The following IL7 variants were observed in gnomAD, a reference collection of about 807,000 sequenced individuals.
IL7 encodes the protein interleukin 7.
In IL7, 3 loss-of-function variants were observed where a neutral mutation model predicts 21.6. That is an observed-to-expected ratio of 0.14 (90% CI 0.06 to 0.36). The LOEUF is 0.36. Among genes scored for constraint, IL7 ranks in the 10% least tolerant of loss-of-function variants. The pLI is 1.00. For synonymous variants in IL7, 62 were observed against 68.1 expected, an observed-to-expected ratio of 0.91 and a Z score of 0.44; for missense variants, 175 against 200.2, an observed-to-expected ratio of 0.87 and a Z score of 0.76.
chr8:78,727,009 A>C (rs185373377), intron 3 of IL7, among the ~76,000 whole-genome samples: 1 of 152,124 alleles, frequency 6.6e-6, no homozygotes, highest in South Asian at 2.1e-4. Flanking sequence ...GTTTGACAGA[A>C]GGTGCATATG....
chr8:78,752,275 C>G (rs927683538), intron 2 of IL7, among the ~76,000 whole-genome samples: 1 of 152,128 alleles, frequency 6.6e-6, no homozygotes, highest in Non-Finnish European at 1.5e-5. Flanking sequence ...ATTTCCTTTC[C>G]TTTGGATAAC....
chr8:78,715,212 TTTTTATA>T (rs756357058), downstream of IL7: 1 of 1,611,380 alleles, frequency 6.2e-7, no homozygotes, highest in African/African-American at 1.3e-5. Flanking sequence ...TTTTTCCTCT[TTTTTATA>T]GAGCTAATGT....
chr8:78,695,769 T>C (rs1456636178), intron 3 of IL7, among the ~76,000 whole-genome samples: 1 of 152,222 alleles, frequency 6.6e-6, no homozygotes, highest in Non-Finnish European at 1.5e-5. Flanking sequence ...CATTTGTTAA[T>C]TTGAAAGACA....
At chr8:78,716,408 C>A (rs1352417382), downstream of IL7, among the ~76,000 whole-genome samples, 1 of 152,084 alleles carries the variant, frequency 6.6e-6, no homozygotes, top group Non-Finnish European at 1.5e-5. Flanking sequence ...CAGGTGTGAG[C>A]CACCGCACCC....
intron 3 of IL7, among the ~76,000 whole-genome samples, chr8:78,704,296 G>A (rs1810699746): frequency 6.6e-6 from 1 of 150,890 alleles, no homozygotes; most frequent in Admixed American, 6.6e-5. Flanking sequence ...GCTGAGGCAG[G>A]AGAATTGCTC....
At chr8:78,790,753 A>C (rs1431183694) in intron 2 of IL7, among the ~76,000 whole-genome samples, 3 of 152,070 alleles carry the variant, frequency 2.0e-5, no homozygotes, top group African/African-American at 7.2e-5. Flanking sequence ...ATTTAACAAA[A>C]GAAGGGTAAA....
intron 3 of IL7, among the ~76,000 whole-genome samples, chr8:78,725,653 A>G (rs1811327051): frequency 6.6e-6 from 1 of 152,044 alleles, no homozygotes; most frequent in African/African-American, 2.4e-5. Flanking sequence ...ATTTTACAGG[A>G]AAGAATATTC....
At chr8:78,789,139 G>A (rs192461455) in intron 2 of IL7, among the ~76,000 whole-genome samples, 3 of 152,120 alleles carry the variant, frequency 2.0e-5, no homozygotes, top group East Asian at 1.9e-4. Flanking sequence ...TTTAGGCAAC[G>A]TAAAGTAGGG....
At chr8:78,793,040 C>G (rs1292300731) in intron 2 of IL7, among the ~76,000 whole-genome samples, 4 of 151,938 alleles carry the variant, frequency 2.6e-5, no homozygotes, top group African/African-American at 7.3e-5. Flanking sequence ...TTTTATTGAG[C>G]CATGAAGAGA....
intron 1 of IL7, among the ~76,000 whole-genome samples, chr8:78,802,207 G>T (rs1814087791): frequency 6.6e-6 from 1 of 152,148 alleles, no homozygotes; most frequent in Admixed American, 6.5e-5. Flanking sequence ...GGGGGTCAAA[G>T]TTAACATAAA....
At chr8:78,743,292 T>G (rs1811862004) in intron 2 of IL7, among the ~76,000 whole-genome samples, 1 of 152,290 alleles carries the variant, frequency 6.6e-6, no homozygotes, top group East Asian at 1.9e-4. Flanking sequence ...ATATCTGTCT[T>G]TAGGTCTTTG....
In IL7 at chr8:78,776,382, T is replaced by G. The variant is rs554246524; in HGVS notation, c.147+21690A>C. On this transcript the variant is annotated intron_variant, in intron 2 of 5. Transcript: ENST00000263851. Reference sequence around the variant, plus strand: ...ACTCAGAACGGCACACAATTTAAAATTTACGAATTATTTCTGGAAGTTTCC... The same window carrying G: ...ACTCAGAACGGCACACAATTTAAAAGTTACGAATTATTTCTGGAAGTTTCC... Among the ~76,000 whole-genome samples, 113 of 152,214 alleles carry G rather than the reference T, an allele frequency of 7.4e-4. 2 individuals carry two copies. The highest frequency in any genetic ancestry group is 2.6e-3 in the African/African-American group (110 of 41,552).
At chr8:78,687,446 G>C (rs915876679) in intron 3 of IL7, among the ~76,000 whole-genome samples, 4 of 144,894 alleles carry the variant, frequency 2.8e-5, no homozygotes, top group African/African-American at 1.0e-4. Context: ...ATAAGCCATA[G>C]ACTATATATA....
intron 3 of IL7, among the ~76,000 whole-genome samples, chr8:78,709,451 G>A (rs1364629969): frequency 6.6e-6 from 1 of 152,118 alleles, no homozygotes; most frequent in Non-Finnish European, 1.5e-5. Flanking sequence ...AAATGCTTGT[G>A]ATAACCTAGA....
intron 2 of IL7, among the ~76,000 whole-genome samples, chr8:78,779,470 C>T (rs545436986): frequency 6.6e-6 from 1 of 152,142 alleles, no homozygotes; most frequent in African/African-American, 2.4e-5. Flanking sequence ...TTATCAAAGG[C>T]CTTTTCTACA....
Position 78,680,633 on chromosome 8 carries a change from A to G in IL7, n.274-4529T>C, listed in dbSNP as rs1471694. Among the ~76,000 whole-genome samples, 877 of 152,312 alleles carry G rather than the reference A, an allele frequency of 5.8e-3. 6 individuals carry two copies. Among genetic ancestry groups the G allele is most frequent in the African/African-American group, 0.02 (831 of 41,562 alleles). On this transcript the variant is annotated intron_variant and non_coding_transcript_variant, in intron 4 of 4. Transcript: ENST00000523959. ...AAGCAACTACAAACTTCATTTTTGG[A>G]AAAACAAAAGGTAGGCATAATTCAT...
At chr8:78,784,013 A>G (rs979987554) in intron 2 of IL7, among the ~76,000 whole-genome samples, 2 of 152,214 alleles carry the variant, frequency 1.3e-5, no homozygotes, top group Non-Finnish European at 2.9e-5. Context: ...TCACTGATAG[A>G]GCCAATATGG....
At chr8:78,787,185 T>C (rs542662009) in intron 2 of IL7, among the ~76,000 whole-genome samples, 10 of 152,228 alleles carry the variant, frequency 6.6e-5, no homozygotes, top group African/African-American at 2.2e-4. Context: ...AAGGAGCAGG[T>C]TGTGGGATCC....
chr8:78,731,253 G>A (rs1000355904), downstream of IL7, among the ~76,000 whole-genome samples: 7 of 151,830 alleles, frequency 4.6e-5, no homozygotes, highest in Non-Finnish European at 7.4e-5. Context: ...CTGAAAACCT[G>A]TTTTAAAATA....
Sources: allele counts gnomAD v4.1 joint callset (sites outside exome capture counted in the v4.1 genomes callset), GRCh38; gene constraint gnomAD v4.1.1; transcripts MANE v1.5; gene names NCBI Gene and HGNC (gene_info 2026-07-23, HGNC 2026-07-21).